Variants in RANBP17 observed in about 807,000 individuals in gnomAD.
RANBP17 encodes the protein RAN binding protein 17.
In RANBP17, 158 loss-of-function variants were observed where a neutral mutation model predicts 141.2. That is an observed-to-expected ratio of 1.12 (90% CI 0.98 to 1.28). The LOEUF is 1.28. RANBP17 is among the 50% of genes most tolerant of loss of function. The probability of loss-of-function intolerance (pLI) is 0.00; values close to 1 mark genes in which losing one functional copy is unlikely to be tolerated. For synonymous variants in RANBP17, 430 were observed against 450.0 expected, an observed-to-expected ratio of 0.96 and a Z score of 0.56; for missense variants, 1,438 against 1,290.7, an observed-to-expected ratio of 1.11 and a Z score of -1.75.
intron 14 of RANBP17, among the ~76,000 whole-genome samples, chr5:171,155,091 AAAAAT>A (rs1758780169): frequency 9.0e-6 from 1 of 110,840 alleles, no homozygotes; most frequent in Non-Finnish European, 1.8e-5. Context: ...AAAAAAAAAA[AAAAAT>A]ATATATATAT....
At chr5:171,149,586 C>T (rs556615605) in intron 14 of RANBP17, among the ~76,000 whole-genome samples, 11 of 152,308 alleles carry the variant, frequency 7.2e-5, no homozygotes, top group Admixed American at 5.2e-4. Context: ...TGCTTTCTTA[C>T]AGTGTCCAGA....
chr5:171,130,269 C>T (rs899791816), intron 14 of RANBP17, among the ~76,000 whole-genome samples: 8 of 152,078 alleles, frequency 5.3e-5, no homozygotes, highest in African/African-American at 1.9e-4. Flanking sequence ...AGAAATATCA[C>T]TCTCTTGGAA....
At chr5:171,055,798 A>T (rs1436363964) in intron 14 of RANBP17, among the ~76,000 whole-genome samples, 1 of 148,658 alleles carries the variant, frequency 6.7e-6, no homozygotes, top group Non-Finnish European at 1.5e-5. Flanking sequence ...CTGTAAGTCA[A>T]GTTTGATACC....
chr5:171,251,790 G>C (rs1308705339), intron 24 of RANBP17: 12 of 1,156,812 alleles, frequency 1.0e-5, no homozygotes, highest in African/African-American at 1.5e-5. Context: ...TCTGTGATTG[G>C]GTGGAAGATG....
chr5:171,076,549 C>G (rs1199462959), intron 14 of RANBP17, among the ~76,000 whole-genome samples: 1 of 152,182 alleles, frequency 6.6e-6, no homozygotes, highest in Non-Finnish European at 1.5e-5. Context: ...ATGTCTGATT[C>G]AAGATCTATG....
intron 24 of RANBP17, among the ~76,000 whole-genome samples, chr5:171,245,823 T>A (rs1336045629): frequency 6.6e-6 from 1 of 152,074 alleles, no homozygotes; most frequent in Non-Finnish European, 1.5e-5. Context: ...AGGAATTATT[T>A]GGCCTATTGC....
intron 14 of RANBP17, among the ~76,000 whole-genome samples, chr5:171,140,324 T>C (rs1757603981): frequency 6.6e-6 from 1 of 152,206 alleles, no homozygotes; most frequent in Non-Finnish European, 1.5e-5. Flanking sequence ...CATTCCAGCA[T>C]CTGGCACAGT....
At chr5:170,885,375 A>G (rs1431343071) in intron 3 of RANBP17, among the ~76,000 whole-genome samples, 3 of 152,180 alleles carry the variant, frequency 2.0e-5, no homozygotes, top group Non-Finnish European at 4.4e-5. Flanking sequence ...TAGGTTTGGC[A>G]TAGGAGATAG....
rs1426572208 is a variant in RANBP17 at position 170,955,416 on chromosome 5, T to C, written c.1574+1714T>C. On this transcript the variant is annotated intron_variant, in intron 13 of 27. Coordinates refer to ENST00000523189, the MANE Select transcript of RANBP17 (RefSeq NM_022897.5). ...TTATATTATTTACCTGCTTTTCTTTTGTGATGATCTCTTCTAACTTATTTG... is the reference window on the plus strand; with the variant it reads ...TTATATTATTTACCTGCTTTTCTTTCGTGATGATCTCTTCTAACTTATTTG... 2.7e-5 allele frequency among the ~76,000 whole-genome samples: 4 copies of C among 147,942 alleles called. No individual in the cohort carries two copies. The Admixed American group carries it at 2.7e-4, about 10-fold the overall frequency.
At chr5:170,899,083 A>G (rs1770392952) in intron 5 of RANBP17, among the ~76,000 whole-genome samples, 1 of 152,164 alleles carries the variant, frequency 6.6e-6, no homozygotes, top group South Asian at 2.1e-4. Flanking sequence ...TGATGAGGAT[A>G]GCTTTGAATC....
chr5:171,000,977 G>A (rs1015842581), intron 14 of RANBP17, among the ~76,000 whole-genome samples: 5 of 152,264 alleles, frequency 3.3e-5, no homozygotes, highest in South Asian at 4.2e-4. Flanking sequence ...CAGGCCGTCC[G>A]GATGTATATG....
chr5:171,233,374 G>T (rs532855291), intron 22 of RANBP17, among the ~76,000 whole-genome samples: 13 of 152,292 alleles, frequency 8.5e-5, no homozygotes, highest in African/African-American at 3.1e-4. Context: ...CACAGTCATT[G>T]TACGATCCAG....
At chr5:171,169,763 G>A (rs1252640749) in intron 14 of RANBP17, among the ~76,000 whole-genome samples, 1 of 151,702 alleles carries the variant, frequency 6.6e-6, no homozygotes, top group Non-Finnish European at 1.5e-5. Context: ...TTTAAGTGTT[G>A]GAACCTTTTG....
chr5:170,912,088 T>A (rs758845731), intron 7 of RANBP17, among the ~76,000 whole-genome samples: 3 of 151,862 alleles, frequency 2.0e-5, no homozygotes, highest in Non-Finnish European at 4.4e-5. Context: ...ATACCAGATA[T>A]AATAGAGGAA....
chr5:171,036,593 T>C (rs183190865), intron 14 of RANBP17, among the ~76,000 whole-genome samples: 1 of 152,264 alleles, frequency 6.6e-6, no homozygotes, highest in Non-Finnish European at 1.5e-5. Context: ...TTTTCAACCC[T>C]TTCTCCCTCT....
intron 14 of RANBP17, among the ~76,000 whole-genome samples, chr5:171,101,826 A>G (rs979744248): frequency 1.3e-5 from 2 of 152,212 alleles, no homozygotes; most frequent in African/African-American, 4.8e-5. Context: ...TTGTCTGTAA[A>G]GAATTTTATT....
chr5:171,063,023 G>A (rs2127676219), intron 14 of RANBP17, among the ~76,000 whole-genome samples: 1 of 152,082 alleles, frequency 6.6e-6, no homozygotes, highest in African/African-American at 2.4e-5. Flanking sequence ...GCTCCTTTAA[G>A]CACTTCTCTG....
intron 14 of RANBP17, chr5:171,029,089 TAA>T (rs915980336): frequency 1.2e-5 from 4 of 322,872 alleles, no homozygotes; most frequent in African/African-American, 6.5e-5. Context: ...CTTAGTTTTT[TAA>T]AAGTTTCCTA....
chr5:171,032,829 A>G (rs1038920565), intron 14 of RANBP17, among the ~76,000 whole-genome samples: 1 of 152,168 alleles, frequency 6.6e-6, no homozygotes, highest in African/African-American at 2.4e-5. Flanking sequence ...CTATAGGTAG[A>G]GTAGAGACTG....
Sources: gnomAD v4.1 joint callset for allele counts (sites outside exome capture counted in the v4.1 genomes callset) on GRCh38, gnomAD v4.1.1 for gene constraint, MANE v1.5 for transcripts, NCBI Gene and HGNC (gene_info 2026-07-23, HGNC 2026-07-21) for gene names.